Variants in PTPRC observed in about 807,000 individuals in gnomAD.
PTPRC encodes the protein receptor-type tyrosine-protein phosphatase C.
Under a neutral mutation model 155.9 loss-of-function variants are expected in PTPRC, and 44 were observed. The observed-to-expected ratio is 0.28, with a 90% confidence interval of 0.22 to 0.36. The LOEUF is 0.36. Ranked by LOEUF, PTPRC falls within the 10% of genes least tolerant of loss-of-function variation. The pLI, the probability that PTPRC is intolerant of heterozygous loss-of-function variation, is 1.00. For missense variants in PTPRC, 1,401 were observed against 1,564.6 expected (o/e 0.90, Z 1.76); for synonymous variants, 525 against 533.1 (o/e 0.98, Z 0.21).
chr1:198,670,794 T>C (rs1664597544), intron 2 of PTPRC, among the ~76,000 whole-genome samples: 1 of 152,194 alleles, frequency 6.6e-6, no homozygotes, highest in South Asian at 2.1e-4. Context: ...GCTGGCCATC[T>C]GTATTTGTGG....
chr1:198,688,208 T>A (rs1281975559), intron 2 of PTPRC, among the ~76,000 whole-genome samples: 8 of 152,146 alleles, frequency 5.3e-5, no homozygotes, highest in Non-Finnish European at 1.0e-4. Flanking sequence ...GAATTTAGAA[T>A]CATATCCAGT....
At chr1:198,699,413 A>T in intron 4 of PTPRC, 151 bp from the exon 5 acceptor site, 1 of 989,054 alleles carries the variant, frequency 1.0e-6, no homozygotes, top group Non-Finnish European at 1.5e-6. Context: ...CCAGCCAAGC[A>T]AATTTAAATA....
Position 198,716,826 on chromosome 1 carries a change from C to G in PTPRC, c.1436C>G (p.Thr479Arg). Residue 479 changes from threonine (T) to arginine (R), a missense_variant, in exon 13 of 33, where the codon ACA (threonine) becomes AGA (arginine). Thr to Arg is a moderately conservative substitution (Grantham distance 71, BLOSUM62 -1). Transcript: ENST00000442510. The stretch of plus-strand genomic sequence containing the variant: ...GGAAGTGCTGCAATGTGTCATTTCA[C>G]AACTAAAAGTGCTCGTAAGTTATAT... ...RNGSAAMCHFTTKSAPPSQVW... is the reference protein window; with the variant it reads ...RNGSAAMCHFRTKSAPPSQVW... 2 of 1,613,598 alleles carry G rather than the reference C, an allele frequency of 1.2e-6. No individual in the cohort carries two copies. Among genetic ancestry groups the G allele is most frequent in the Non-Finnish European group, 1.7e-6 (2 of 1,179,888 alleles).
chr1:198,662,989 A>T (rs1664068031), intron 2 of PTPRC, among the ~76,000 whole-genome samples: 1 of 152,074 alleles, frequency 6.6e-6, no homozygotes, highest in Non-Finnish European at 1.5e-5. Context: ...ATTACGCCTG[A>T]CCCCTGGCCA....
At chr1:198,690,073 T>C (rs552850948) in intron 2 of PTPRC, among the ~76,000 whole-genome samples, 19 of 152,290 alleles carry the variant, frequency 1.2e-4, no homozygotes, top group African/African-American at 4.6e-4. Context: ...AAGGGGCATA[T>C]CAACCTAATT....
chr1:198,647,558 A>C (rs966428931), intron 2 of PTPRC, among the ~76,000 whole-genome samples: 12 of 151,962 alleles, frequency 7.9e-5, no homozygotes, highest in Non-Finnish European at 1.8e-4. Flanking sequence ...GCCCATGCTA[A>C]CATTTTGTTT....
intron 15 of PTPRC, among the ~76,000 whole-genome samples, chr1:198,724,960 C>A (rs1472788407): frequency 6.6e-6 from 1 of 152,078 alleles, no homozygotes; most frequent in Non-Finnish European, 1.5e-5. Context: ...CACCACCACA[C>A]CTGGCTAATT....
chr1:198,660,964 A>G (rs1663930072), intron 2 of PTPRC, among the ~76,000 whole-genome samples: 1 of 152,194 alleles, frequency 6.6e-6, no homozygotes. Flanking sequence ...ATGGAGCTGC[A>G]GAATCTTTGA....
At position 198,734,316 on chromosome 1, in the gene PTPRC, T is replaced by C. The variant is rs777798880; in HGVS notation, c.2180-12T>C. The C allele has an allele frequency of 7.4e-6, 12 of 1,610,876 alleles. No individual in the cohort carries two copies. In the Admixed American group the frequency reaches 1.2e-4, roughly 16 times the overall value. ...AATTTTTCTTATCAGCTTTTATTTG[T>C]TTACCTCCTAGGTCCCAGGGATGAA... is the stretch of plus-strand genomic sequence containing the variant. On this transcript the variant is annotated splice_polypyrimidine_tract_variant and intron_variant, in intron 21 of 32. Coordinates refer to ENST00000442510, the MANE Select transcript of PTPRC (RefSeq NM_002838.5).
At chr1:198,648,577 A>G (rs1276248221) in intron 2 of PTPRC, among the ~76,000 whole-genome samples, 2 of 151,814 alleles carry the variant, frequency 1.3e-5, no homozygotes, top group African/African-American at 4.8e-5. Context: ...TGTTTGTGTG[A>G]CATATGCATG....
intron 2 of PTPRC, among the ~76,000 whole-genome samples, chr1:198,671,906 G>T (rs1313306574): frequency 6.6e-6 from 1 of 152,032 alleles, no homozygotes; most frequent in Admixed American, 6.6e-5. Context: ...TTTGATTTGG[G>T]CCACTCACAT....
chr1:198,756,307 G>C lies in PTPRC; in HGVS notation c.*126G>C. ...TGCAGCGAACCAATATTTGTAGAAG[G>C]GTTATATTTTACTACTGTGGAAAAA... On this transcript the variant is annotated 3_prime_UTR_variant, in exon 33 of 33. Coordinates refer to ENST00000442510, the MANE Select transcript of PTPRC (RefSeq NM_002838.5). 7.9e-7 allele frequency: 1 copy of C among 1,261,006 alleles called. No individual in the cohort carries two copies. Among genetic ancestry groups the C allele is most frequent in the South Asian group, 1.3e-5 (1 of 74,382 alleles). 78.1% of individuals were successfully genotyped at this position (1,261,006 alleles called of 1,614,324 possible).
intron 2 of PTPRC, chr1:198,660,683 A>G (rs1557975515): frequency 6.6e-6 from 1 of 152,208 alleles, no homozygotes; most frequent in Non-Finnish European, 1.5e-5. Context: ...TGTAAGGCCA[A>G]CATGGACTCT....
At chr1:198,647,262 C>T (rs1662991069) in intron 2 of PTPRC, among the ~76,000 whole-genome samples, 1 of 151,846 alleles carries the variant, frequency 6.6e-6, no homozygotes, top group Admixed American at 6.6e-5. Context: ...TCTTGGAGTT[C>T]TCTTTACCAG....
chr1:198,729,352 T>C (rs998648186), intron 17 of PTPRC, among the ~76,000 whole-genome samples, 181 bp downstream of exon 17: 1 of 152,042 alleles, frequency 6.6e-6, no homozygotes, highest in African/African-American at 2.4e-5. Context: ...GCAATTCTCA[T>C]GTGCCTCAGC....
intron 2 of PTPRC, among the ~76,000 whole-genome samples, chr1:198,683,338 T>C (rs12059312): frequency 0.017 from 2,541 of 152,226 alleles, 66 homozygotes; most frequent in African/African-American, 0.058. Flanking sequence ...TGTTCTTTAA[T>C]GATGATCGTA....
intron 23 of PTPRC, among the ~76,000 whole-genome samples, chr1:198,735,655 G>A (rs747196266): frequency 1.3e-5 from 2 of 151,598 alleles, no homozygotes; most frequent in Non-Finnish European, 3.0e-5. Flanking sequence ...AACACTGTAA[G>A]AAGTATAAAG....
intron 2 of PTPRC, among the ~76,000 whole-genome samples, chr1:198,665,709 G>T (rs1664254625): frequency 6.6e-6 from 1 of 152,190 alleles, no homozygotes; most frequent in East Asian, 1.9e-4. Flanking sequence ...CATCTGGGTG[G>T]TAAACATGAC....
At chr1:198,722,508 A>C in intron 15 of PTPRC, 32 bp downstream of exon 15, 1 of 1,182,112 alleles carries the variant, frequency 8.5e-7, no homozygotes, top group Non-Finnish European at 1.1e-6. Flanking sequence ...TATTATATAT[A>C]TTAAGATATA....
Sources: gnomAD v4.1 joint callset for allele counts (sites outside exome capture counted in the v4.1 genomes callset) on GRCh38, gnomAD v4.1.1 for gene constraint, MANE v1.5 for transcripts, NCBI Gene and HGNC (gene_info 2026-07-23, HGNC 2026-07-21) for gene names.